The following SH3GL1 variants were observed in gnomAD, a reference collection of about 807,000 sequenced individuals.
The protein encoded by SH3GL1 is endophilin-A2.
SH3GL1 carries 21 observed loss-of-function variants against 48.8 expected under a neutral mutation model. That is an observed-to-expected ratio of 0.43 (90% confidence interval 0.30 to 0.62). SH3GL1 has a LOEUF of 0.62. Ranked by LOEUF, SH3GL1 falls within the 20% of genes least tolerant of loss-of-function variation. The probability of loss-of-function intolerance (pLI) is 0.11; values close to 1 mark genes in which losing one functional copy is unlikely to be tolerated. For synonymous variants in SH3GL1, 282 were observed against 217.5 expected (o/e 1.30, Z -2.61); for missense variants, 454 against 503.0 (o/e 0.90, Z 0.93).
rs775540178 is a variant in SH3GL1, at chr19:4,365,471, G to A, written c.331+11C>T. ...GGACGGTGGGCGTGGCTTCCAGAGA[G>A]CACCACTCACCAAAGTTGGACTCGC... On this transcript the variant is annotated intron_variant, in intron 4 of 9. Transcript: ENST00000269886. 1.4e-5 allele frequency: 23 copies of A among 1,613,088 alleles called. No individual in the cohort carries two copies. The South Asian group carries it at 1.9e-4, about 13-fold the overall frequency.
At position 4,365,713 on chromosome 19, in the gene SH3GL1, C is replaced by T. The variant is rs920483172; in HGVS notation, c.188-88G>A. The T allele has an allele frequency of 4.5e-6, 7 of 1,571,982 alleles. No homozygotes were observed. In the Admixed American group the frequency reaches 6.7e-5, roughly 15 times the overall value. ...TGCAGCCCCCACATCTCCTCCCCACCCTTGCTTCCTGTGCCTGTGGACAGC... is the reference window on the plus strand; with the variant it reads ...TGCAGCCCCCACATCTCCTCCCCACTCTTGCTTCCTGTGCCTGTGGACAGC... On this transcript the variant is annotated intron_variant, in intron 3 of 9. Coordinates refer to ENST00000269886, the MANE Select transcript of SH3GL1 (RefSeq NM_003025.4).
intron 1 of SH3GL1, among the ~76,000 whole-genome samples, chr19:4,394,853 G>A (rs934319664): frequency 2.0e-5 from 3 of 152,200 alleles, no homozygotes; most frequent in African/African-American, 7.2e-5. Context: ...TTGCAGCGGG[G>A]GGAAGCTGTC....
chr19:4,369,675 C>G (rs1483065239), intron 1 of SH3GL1, among the ~76,000 whole-genome samples: 1 of 152,226 alleles, frequency 6.6e-6, no homozygotes, highest in Non-Finnish European at 1.5e-5. Context: ...CAGGACCCTG[C>G]CTTCCTGAGC....
intron 3 of SH3GL1, 128 bp downstream of exon 3, chr19:4,366,373 A>C (rs1446069961): frequency 1.4e-6 from 1 of 716,378 alleles, no homozygotes; most frequent in African/African-American, 1.8e-5. Context: ...TGGCCTCTGC[A>C]CTCCGGGATC....
At chr19:4,398,476 G>A (rs563578573) in intron 1 of SH3GL1, among the ~76,000 whole-genome samples, 3 of 151,682 alleles carry the variant, frequency 2.0e-5, no homozygotes, top group South Asian at 4.2e-4. Flanking sequence ...TCTGCCTGCC[G>A]GATTCAAGAG....
intron 1 of SH3GL1, among the ~76,000 whole-genome samples, chr19:4,372,238 G>A (rs1224205619): frequency 6.6e-6 from 1 of 152,200 alleles, no homozygotes; most frequent in Non-Finnish European, 1.5e-5. Flanking sequence ...CAGGACACAC[G>A]GAACAAGGGC....
intron 7 of SH3GL1, among the ~76,000 whole-genome samples, chr19:4,363,157 G>C (rs1309791373): frequency 6.6e-6 from 1 of 152,212 alleles, no homozygotes; most frequent in Non-Finnish European, 1.5e-5. Flanking sequence ...CCCGGGGCCT[G>C]CATCGGGGCA....
intron 1 of SH3GL1, among the ~76,000 whole-genome samples, chr19:4,369,999 CT>C (rs1468893578): frequency 6.6e-6 from 1 of 151,886 alleles, no homozygotes; most frequent in African/African-American, 2.4e-5. Flanking sequence ...GCGTGGGCTC[CT>C]GCCCGCTGGG....
Position 4,363,434 on chromosome 19 carries a change from G to A in SH3GL1, c.664C>T (p.Gln222Ter). 6.2e-7 allele frequency: 1 copy of A among 1,612,852 alleles called. No homozygotes were observed. The highest frequency in any genetic ancestry group is 1.1e-5 in the South Asian group (1 of 90,924). ...VSQLSALVDA[Q>*]LDYHRQAVQI... ...ACGGCCTGCCGGTGGTAGTCCAGCT[G>A]TGCATCCACCAGGGCCGAGAGCTGA... Residue 222 changes from glutamine (Q) to a stop codon, truncating the protein, a stop_gained, in exon 7 of 10, where the codon CAG becomes TAG. Coordinates refer to ENST00000269886, the MANE Select transcript of SH3GL1 (RefSeq NM_003025.4). LOFTEE classifies it high-confidence loss of function.
intron 1 of SH3GL1, among the ~76,000 whole-genome samples, chr19:4,371,482 C>T (rs912089596): frequency 9.9e-5 from 15 of 152,252 alleles, no homozygotes; most frequent in African/African-American, 2.4e-4. Flanking sequence ...CCACACAGCA[C>T]GGAACACAAA....
At chr19:4,380,568 C>T (rs749190532) in intron 1 of SH3GL1, among the ~76,000 whole-genome samples, 2 of 152,098 alleles carry the variant, frequency 1.3e-5, no homozygotes, top group Non-Finnish European at 2.9e-5. Context: ...TGTGGGAGGG[C>T]GTCACGGGTG....
rs1972805906 is a variant in SH3GL1 at position 4,367,386 on chromosome 19, G to A, written c.46-392C>T. On this transcript the variant is annotated intron_variant, in intron 1 of 9. Transcript: ENST00000269886. This position sits in a 1 kb window ranked among gnomAD's most constrained non-coding sequence, Gnocchi z 4.2. ...AAACATCCCCACAGATAGCAATGTG[G>A]GGATCTGCCCCCATCCTTGAGTATG... Among the ~76,000 whole-genome samples, 2 of 152,220 alleles carry A rather than the reference G, an allele frequency of 1.3e-5. No homozygotes were observed. Among genetic ancestry groups the A allele is most frequent in the East Asian group, 3.9e-4 (2 of 5,164 alleles).
intron 1 of SH3GL1, among the ~76,000 whole-genome samples, chr19:4,383,357 G>A (rs539497591): frequency 6.9e-4 from 105 of 151,930 alleles, no homozygotes; most frequent in Non-Finnish European, 1.3e-3. Flanking sequence ...TGGGACTACA[G>A]GCGTGCATCA....
At chr19:4,362,474 TGCCTTGGCGGTCCAGATGGA>T in intron 8 of SH3GL1, 89 bp from the exon 9 acceptor site, 1 of 1,571,346 alleles carries the variant, frequency 6.4e-7, no homozygotes, top group Non-Finnish European at 8.7e-7. Context: ...CCTTCCCGTC[TGCCTTGGCGGTCCAGATGGA>T]GCACGGCTGA....
In SH3GL1 at chr19:4,391,537, G is replaced by A. The variant is rs139527458; in HGVS notation, c.45+8787C>T. Among the ~76,000 whole-genome samples the A allele has an allele frequency of 1.9e-4, 29 of 152,282 alleles. No homozygotes were observed. In the East Asian group the frequency reaches 4.8e-3, roughly 25 times the overall value. Reference sequence around the variant, plus strand: ...CTGGGACCTACTGTACAGCAGTCACGGGTGGCAGAAATCGGAGTCTGATGA... The same window carrying A: ...CTGGGACCTACTGTACAGCAGTCACAGGTGGCAGAAATCGGAGTCTGATGA... On this transcript the variant is annotated intron_variant, in intron 1 of 9. Coordinates refer to ENST00000269886, the MANE Select transcript of SH3GL1 (RefSeq NM_003025.4).
At chr19:4,366,622 G>T in intron 2 of SH3GL1, 49 bp from the exon 3 acceptor site, 1 of 1,538,222 alleles carries the variant, frequency 6.5e-7, no homozygotes. Flanking sequence ...GGGGGCCCAA[G>T]GCACACAAGA....
At chr19:4,395,485 CAT>C (rs930526413) in intron 1 of SH3GL1, 1 of 152,112 alleles carries the variant, frequency 6.6e-6, no homozygotes, top group Non-Finnish European at 1.5e-5. Flanking sequence ...CGGGAAATTC[CAT>C]AGAGACTACA....
Position 4,362,668 on chromosome 19 carries a change from C to T in SH3GL1, c.797G>A (p.Gly266Glu), listed in dbSNP as rs543281961. The change falls in exon 8 of 10, where the codon GGA becomes GAA. Residue 266 changes from glycine (G) to glutamate (E), a missense_variant. Coordinates refer to ENST00000269886, the MANE Select transcript of SH3GL1 (RefSeq NM_003025.4). ...GCCCCCGTTGGACTGCTCAGGCTCT[C>T]CAAGGTCAAAGGGCTCCCGGGGCTT... ...KPKPREPFDL[G>E]EPEQSNGGFP... 21 of 1,614,006 alleles carry T rather than the reference C, an allele frequency of 1.3e-5. No individual in the cohort carries two copies. The African/African-American group carries it at 2.7e-4, about 20-fold the overall frequency.
At chr19:4,379,397 G>A (rs1325875322) in intron 1 of SH3GL1, among the ~76,000 whole-genome samples, 1 of 150,726 alleles carries the variant, frequency 6.6e-6, no homozygotes, top group African/African-American at 2.4e-5. Context: ...CTGCACTCCT[G>A]CCTGGGTGAC....
Sources: gnomAD v4.1 joint callset for allele counts (sites outside exome capture counted in the v4.1 genomes callset) on GRCh38, gnomAD v4.1.1 for gene constraint, Gnocchi (gnomAD v3.1) non-coding constraint, MANE v1.5 for transcripts, NCBI Gene and HGNC (gene_info 2026-07-23, HGNC 2026-07-21) for gene names.